The following RXRA variants were observed in gnomAD, a reference collection of about 807,000 sequenced individuals.
RXRA encodes the protein retinoic acid receptor RXR-alpha.
RXRA carries 5 observed loss-of-function variants against 44.5 expected under a neutral mutation model. That is an observed-to-expected ratio of 0.11 (90% CI 0.06 to 0.24). The LOEUF (loss-of-function observed/expected upper bound fraction) is 0.24, where lower values mean the gene tolerates loss of function less well. Among genes scored for constraint, RXRA ranks in the 10% least tolerant of loss-of-function variants. The pLI is 1.00. For synonymous variants in RXRA, 291 were observed against 271.4 expected, an observed-to-expected ratio of 1.07 and a Z score of -0.71; for missense variants, 412 against 646.5, an observed-to-expected ratio of 0.64 and a Z score of 3.93.
chr9:134,390,751 G>A (rs766593694), intron 1 of RXRA, among the ~76,000 whole-genome samples: 2 of 151,942 alleles, frequency 1.3e-5, no homozygotes, highest in African/African-American at 4.8e-5. Flanking sequence ...CTGACGTCCC[G>A]TTCTTGGTCT....
At chr9:134,423,576 C>T in intron 6 of RXRA, 3 of 985,310 alleles carry the variant, frequency 3.0e-6, no homozygotes, top group Non-Finnish European at 3.6e-6. Flanking sequence ...CTGGGCCCCG[C>T]CGGAGGAGCC....
chr9:134,419,879 C>T (rs376531642), intron 5 of RXRA, among the ~76,000 whole-genome samples: 2 of 152,208 alleles, frequency 1.3e-5, no homozygotes, highest in African/African-American at 2.4e-5. Flanking sequence ...TCCTCCGCTC[C>T]GGCCTCCTGG....
intron 4 of RXRA, among the ~76,000 whole-genome samples, chr9:134,415,668 C>T (rs1475293518): frequency 2.6e-5 from 4 of 151,828 alleles, no homozygotes; most frequent in African/African-American, 9.7e-5. Context: ...AGGCCTCAGA[C>T]CAGGAGGAGA....
intron 1 of RXRA, among the ~76,000 whole-genome samples, chr9:134,378,342 T>C (rs114178403): frequency 0.025 from 1,764 of 70,802 alleles, 30 homozygotes; most frequent in African/African-American, 0.066. Context: ...CCTGAAGGCG[T>C]GTGTGCCGGC....
chr9:134,389,118 G>A (rs955330889), intron 1 of RXRA, among the ~76,000 whole-genome samples: 1 of 152,180 alleles, frequency 6.6e-6, no homozygotes, highest in African/African-American at 2.4e-5. Context: ...CCACCTGGCC[G>A]GTCCTGTCGT....
Position 134,342,844 on chromosome 9 carries a change from G to A in RXRA, c.28+16185G>A, listed in dbSNP as rs1017211074. ...CTCAGCAGGTTGAGCGCAGGTGGTG[G>A]CTGTGGCCCTGCCACCACCACAGTG... On this transcript the variant is annotated intron_variant, in intron 1 of 9. Transcript: ENST00000481739. This position sits in a 1 kb window ranked among gnomAD's most constrained non-coding sequence, Gnocchi z 4.4. Among the ~76,000 whole-genome samples the A allele has an allele frequency of 6.6e-6, 1 of 152,208 alleles. No individual in the cohort carries two copies. Among genetic ancestry groups the A allele is most frequent in the Non-Finnish European group, 1.5e-5 (1 of 68,040 alleles).
chr9:134,425,873 G>C lies in RXRA; in HGVS notation c.911-3235G>C, dbSNP rs984957142. The stretch of plus-strand genomic sequence containing the variant: ...CATTTAACTCTCCAGACCACCAGGA[G>C]TCGGTGTTATTACTGTCCCTTGTGC... On this transcript the variant is annotated intron_variant, in intron 6 of 9. Coordinates refer to ENST00000481739, the MANE Select transcript of RXRA (RefSeq NM_002957.6). 8.1e-6 allele frequency: 8 copies of C among 985,118 alleles called. No homozygotes were observed. In the South Asian group the frequency reaches 2.8e-4, roughly 35 times the overall value. The allele number at this position is 985,118 out of a possible 1,614,324, so 61.0% of individuals were successfully genotyped here.
chr9:134,425,861 A>G (rs1026397947), intron 6 of RXRA: 3 of 984,986 alleles, frequency 3.0e-6, no homozygotes, highest in African/African-American at 3.5e-5. Context: ...TTAACTCTCC[A>G]GACCACCAGG....
chr9:134,407,459 C>T lies in RXRA; in HGVS notation c.280-690C>T, dbSNP rs974244827. Among the ~76,000 whole-genome samples the T allele has an allele frequency of 2.0e-5, 3 of 152,210 alleles. No homozygotes were observed. The highest frequency in any genetic ancestry group is 4.4e-5 in the Non-Finnish European group (3 of 68,030). ...GGCAGCGGAACCAAAACTGCTGTGT[C>T]ACTGCACGCTGCAGCTGTTGCCAGG... On this transcript the variant is annotated intron_variant, in intron 2 of 9. Coordinates refer to ENST00000481739, the MANE Select transcript of RXRA (RefSeq NM_002957.6). The surrounding 1 kb of genome is among the most constrained non-coding windows in gnomAD (Gnocchi z 4.8).
At position 134,408,255 on chromosome 9, in the gene RXRA, C is replaced by T. The variant is rs1831089610; in HGVS notation, c.386C>T (p.Ser129Phe). 1.2e-6 allele frequency: 2 copies of T among 1,612,242 alleles called. No individual in the cohort carries two copies. Among genetic ancestry groups the T allele is most frequent in the Non-Finnish European group, 1.7e-6 (2 of 1,179,526 alleles). The stretch of plus-strand genomic sequence containing the variant: ...GCCCACCCCTCAGGAAACATGGCTT[C>T]CTTCACCAAGCACATCTGCGCCATC... ...VPAHPSGNMASFTKHICAICG... is the reference protein window; with the variant it reads ...VPAHPSGNMAFFTKHICAICG... The change falls in exon 3 of 10, where the codon TCC becomes TTC. Residue 129 changes from serine (S) to phenylalanine (F), a missense_variant. By Grantham distance (155) the Ser-to-Phe change is radical. Transcript: ENST00000481739.
intron 1 of RXRA, among the ~76,000 whole-genome samples, chr9:134,361,835 T>C (rs950644310): frequency 5.3e-5 from 8 of 152,146 alleles, no homozygotes; most frequent in African/African-American, 1.9e-4. Flanking sequence ...TGGGTCTCCT[T>C]CTGGTCTGAC....
At chr9:134,361,066 G>T (rs1489067327) in intron 1 of RXRA, among the ~76,000 whole-genome samples, 1 of 152,220 alleles carries the variant, frequency 6.6e-6, no homozygotes, top group Non-Finnish European at 1.5e-5. Flanking sequence ...GCCCTGCCAG[G>T]CATCTTATCT....
intron 1 of RXRA, among the ~76,000 whole-genome samples, chr9:134,357,178 A>T (rs375913151): frequency 6.6e-6 from 1 of 152,080 alleles, no homozygotes; most frequent in African/African-American, 2.4e-5. Context: ...GATGGAGCAG[A>T]TAGTTGCCCA....
At chr9:134,393,662 G>A (rs1830832659) in intron 1 of RXRA, among the ~76,000 whole-genome samples, 1 of 152,206 alleles carries the variant, frequency 6.6e-6, no homozygotes, top group Non-Finnish European at 1.5e-5. Flanking sequence ...GCATGACAGG[G>A]TGGGGTTCCT....
rs1009602865 is a variant in RXRA at position 134,342,511 on chromosome 9, G to A, written c.28+15852G>A. Among the ~76,000 whole-genome samples, 2 of 152,206 alleles carry A rather than the reference G, an allele frequency of 1.3e-5. No homozygotes were observed. The highest frequency in any genetic ancestry group is 4.8e-5 in the African/African-American group (2 of 41,446). On this transcript the variant is annotated intron_variant, in intron 1 of 9. Transcript: ENST00000481739. The surrounding 1 kb of genome is among the most constrained non-coding windows in gnomAD (Gnocchi z 4.4). ...CCCAGAGGCTTGCACTTGGGATGGC[G>A]TGCTGTGCGCCCTCTTCCTGCCATC...
chr9:134,401,858 G>A lies in RXRA; in HGVS notation c.255G>A (p.Leu85=), dbSNP rs1446262033. The stretch of plus-strand genomic sequence containing the variant: ...TGTCGGTGCCCACCACACCCACCCT[G>A]GGCTTCAGCACTGGCAGCCCCCAGG... ...HSMSVPTTPT[L]GFSTGSPQLS... is the part of the protein sequence containing the mutation. Residue 85 remains leucine (L), a synonymous_variant, in exon 2 of 10, where the codon CTG becomes CTA. Coordinates refer to ENST00000481739, the MANE Select transcript of RXRA (RefSeq NM_002957.6). 1.3e-5 allele frequency: 21 copies of A among 1,610,866 alleles called. No homozygotes were observed. The highest frequency in any genetic ancestry group is 1.7e-5 in the Non-Finnish European group (20 of 1,178,536).
intron 1 of RXRA, among the ~76,000 whole-genome samples, chr9:134,327,510 A>C (rs1834935069): frequency 6.6e-6 from 1 of 152,038 alleles, no homozygotes; most frequent in Non-Finnish European, 1.5e-5. Flanking sequence ...AGACTTTATA[A>C]ATTAGCTCCG....
At chr9:134,354,858 C>T (rs533741209) in intron 1 of RXRA, among the ~76,000 whole-genome samples, 8 of 152,382 alleles carry the variant, frequency 5.2e-5, no homozygotes, top group African/African-American at 1.7e-4. Context: ...TAGGCCTGTG[C>T]ACTCCCAGTC....
intron 1 of RXRA, among the ~76,000 whole-genome samples, chr9:134,381,783 T>C (rs752097630): frequency 6.6e-6 from 1 of 152,096 alleles, no homozygotes; most frequent in Non-Finnish European, 1.5e-5. Context: ...CACTGCAAAT[T>C]AGCCCCGACC....
Sources: gnomAD v4.1 joint callset for allele counts (sites outside exome capture counted in the v4.1 genomes callset) on GRCh38, gnomAD v4.1.1 for gene constraint, Gnocchi (gnomAD v3.1) non-coding constraint, MANE v1.5 for transcripts, NCBI Gene and HGNC (gene_info 2026-07-23, HGNC 2026-07-21) for gene names.